The following AATF variants were observed in gnomAD, a reference collection of about 807,000 sequenced individuals.
AATF encodes the protein apoptosis antagonizing transcription factor.
Under a neutral mutation model 63.7 loss-of-function variants are expected in AATF, and 48 were observed. The observed-to-expected ratio is 0.75, with a 90% confidence interval of 0.60 to 0.96. AATF has a LOEUF of 0.96. AATF is among the 40% of genes least tolerant of loss of function. The probability of loss-of-function intolerance (pLI) is 0.00; values close to 1 mark genes in which losing one functional copy is unlikely to be tolerated. For missense variants in AATF, 639 were observed against 685.7 expected (o/e 0.93, Z 0.76); for synonymous variants, 258 against 247.7 (o/e 1.04, Z -0.39).
chr17:37,005,976 A>G (rs2071338103), intron 8 of AATF, among the ~76,000 whole-genome samples: 1 of 152,068 alleles, frequency 6.6e-6, no homozygotes, highest in Non-Finnish European at 1.5e-5. Flanking sequence ...AAAAATAAAC[A>G]GTAAAAAAAG....
intron 11 of AATF, among the ~76,000 whole-genome samples, chr17:37,035,565 G>A (rs1445449280): frequency 6.7e-6 from 1 of 148,956 alleles, no homozygotes; most frequent in Non-Finnish European, 1.5e-5. Flanking sequence ...TTGAGATGGA[G>A]TCTTGCTCTG....
At chr17:37,000,325 G>C (rs1220242348) in intron 8 of AATF, among the ~76,000 whole-genome samples, 5 of 152,110 alleles carry the variant, frequency 3.3e-5, no homozygotes, top group Non-Finnish European at 7.4e-5. Flanking sequence ...TAAGATTTTG[G>C]CCTGAGCAGT....
chr17:37,028,014 A>G (rs891339145), intron 10 of AATF, among the ~76,000 whole-genome samples: 5 of 152,224 alleles, frequency 3.3e-5, no homozygotes, highest in African/African-American at 1.2e-4. Context: ...TAAAAAGGTT[A>G]TATAAATATT....
At chr17:37,053,612 T>C (rs2071772222) in intron 11 of AATF, among the ~76,000 whole-genome samples, 1 of 152,232 alleles carries the variant, frequency 6.6e-6, no homozygotes, top group Admixed American at 6.5e-5. Context: ...CCCACGCCTG[T>C]AATCCCAGCA....
intron 8 of AATF, among the ~76,000 whole-genome samples, chr17:37,000,385 A>G (rs2071284939): frequency 6.6e-6 from 1 of 152,160 alleles, no homozygotes; most frequent in Non-Finnish European, 1.5e-5. Flanking sequence ...CAGTGAGAGA[A>G]GCTAGTTTGG....
intron 4 of AATF, among the ~76,000 whole-genome samples, chr17:36,958,044 A>G (rs778321578): frequency 1.3e-5 from 2 of 152,192 alleles, no homozygotes; most frequent in Non-Finnish European, 2.9e-5. Context: ...TTTCAAAGAC[A>G]TCGTCTGATA....
At chr17:37,049,462 A>G (rs2071726730) in intron 11 of AATF, among the ~76,000 whole-genome samples, 1 of 152,088 alleles carries the variant, frequency 6.6e-6, no homozygotes, top group South Asian at 2.1e-4. Context: ...AAAGTTAGCC[A>G]GGCGTGGTGG....
rs5820200 is a variant in AATF at position 36,992,614 on chromosome 17, AT to A, written c.1398+1775del. ...CCTCTGTTGGCAATCCTTAGTCTGAATTTTTTTTTTTTTTTTTTGCCTGGAG... is the reference window on the plus strand; with the variant it reads ...CCTCTGTTGGCAATCCTTAGTCTGAATTTTTTTTTTTTTTTTTGCCTGGAG... On this transcript the variant is annotated intron_variant, in intron 8 of 11. Transcript: ENST00000619387. 5.3e-3 allele frequency among the ~76,000 whole-genome samples: 730 copies of A among 138,104 alleles called. 2 individuals are homozygous for A. Among genetic ancestry groups the A allele is most frequent in the East Asian group, 0.037 (176 of 4,816 alleles). The allele number at this position is 138,104 out of a possible 152,430, so 90.6% of individuals were successfully genotyped here.
chr17:36,998,052 A>G (rs762527892), intron 8 of AATF, among the ~76,000 whole-genome samples: 17 of 152,138 alleles, frequency 1.1e-4, no homozygotes, highest in South Asian at 4.1e-4. Context: ...GAATGATACA[A>G]TGGACTTTGG....
intron 4 of AATF, among the ~76,000 whole-genome samples, chr17:36,958,417 G>C (rs1327795796): frequency 6.6e-6 from 1 of 152,012 alleles, no homozygotes; most frequent in African/African-American, 2.4e-5. Flanking sequence ...CACCCACCTT[G>C]GCCTCTCAAA....
chr17:36,967,260 T>G (rs2070998354), intron 4 of AATF, among the ~76,000 whole-genome samples: 1 of 152,188 alleles, frequency 6.6e-6, no homozygotes, highest in South Asian at 2.1e-4. Flanking sequence ...TTTGGTTAGA[T>G]CAGTGTTCAG....
intron 8 of AATF, among the ~76,000 whole-genome samples, chr17:37,004,172 A>T (rs2071323728): frequency 1.3e-5 from 2 of 151,876 alleles, no homozygotes; most frequent in South Asian, 4.2e-4. Context: ...TCTACTAAAA[A>T]TACAAAAAAT....
At chr17:37,017,134 G>A (rs1403280315) in intron 8 of AATF, among the ~76,000 whole-genome samples, 1 of 152,206 alleles carries the variant, frequency 6.6e-6, no homozygotes, top group African/African-American at 2.4e-5. Flanking sequence ...ACCCTGTTGT[G>A]CTGGGGCAGC....
intron 8 of AATF, among the ~76,000 whole-genome samples, chr17:37,016,825 T>C (rs2071432365): frequency 6.6e-6 from 1 of 152,210 alleles, no homozygotes; most frequent in Non-Finnish European, 1.5e-5. Flanking sequence ...TGTTTAACTG[T>C]ATTTTTTGTT....
At chr17:36,987,153 A>ATTTTTTTTTTTTTTTTT (rs11286976) in intron 5 of AATF, among the ~76,000 whole-genome samples, 7 of 121,360 alleles carry the variant, frequency 5.8e-5, no homozygotes, top group African/African-American at 2.3e-4. Flanking sequence ...ATGCCTGGCT[A>ATTTTTTTTTTTTTTTTT]TTTTTTTTTT....
chr17:37,035,364 G>A (rs1339603256), intron 11 of AATF, among the ~76,000 whole-genome samples: 2 of 150,552 alleles, frequency 1.3e-5, no homozygotes, highest in South Asian at 4.2e-4. Context: ...GACTACAGGC[G>A]TGCACCACCA....
At chr17:37,017,055 T>C (rs2071434158) in intron 8 of AATF, among the ~76,000 whole-genome samples, 4 of 152,226 alleles carry the variant, frequency 2.6e-5, no homozygotes. Flanking sequence ...GTGTTGGAAT[T>C]GCAGAGACCA....
At chr17:37,036,788 A>C (rs138355166) in intron 11 of AATF, among the ~76,000 whole-genome samples, 2 of 152,210 alleles carry the variant, frequency 1.3e-5, no homozygotes, top group African/African-American at 4.8e-5. Flanking sequence ...AGTAGATCTT[A>C]TACTCTTCTC....
At chr17:37,022,576 A>AT (rs2071480914) in intron 10 of AATF, among the ~76,000 whole-genome samples, 1 of 152,120 alleles carries the variant, frequency 6.6e-6, no homozygotes. Flanking sequence ...CTCTAGGTTC[A>AT]TTTTTAGAGG....
Sources: gnomAD v4.1 joint callset for allele counts (sites outside exome capture counted in the v4.1 genomes callset) on GRCh38, gnomAD v4.1.1 for gene constraint, MANE v1.5 for transcripts, NCBI Gene and HGNC (gene_info 2026-07-23, HGNC 2026-07-21) for gene names.